The following TMEM132B variants were observed in gnomAD, a reference collection of about 807,000 sequenced individuals.
TMEM132B encodes transmembrane protein 132B.
In TMEM132B, 18 loss-of-function variants were observed where a neutral mutation model predicts 90.8. That is an observed-to-expected ratio of 0.20 (90% CI 0.14 to 0.29). The LOEUF (loss-of-function observed/expected upper bound fraction) is 0.29, where lower values mean the gene tolerates loss of function less well. Among genes scored for constraint, TMEM132B ranks in the 10% least tolerant of loss-of-function variants. TMEM132B has a pLI of 1.00. For missense variants in TMEM132B, 1,096 were observed against 1,326.8 expected (o/e 0.83, Z 2.70); for synonymous variants, 504 against 523.3 (o/e 0.96, Z 0.50).
In TMEM132B at chr12:125,256,369, G is replaced by A. The variant is rs372539850; in HGVS notation, c.67+69503G>A. On this transcript the variant is annotated intron_variant, in intron 1 of 8. Transcript: ENST00000682704. ...TCATGGAGGGGTGGTCAGGGGAGCCGGTAAACTTGCTTTCAGGTCTGTTGG... is the reference window on the plus strand; with the variant it reads ...TCATGGAGGGGTGGTCAGGGGAGCCAGTAAACTTGCTTTCAGGTCTGTTGG... Among the ~76,000 whole-genome samples, 91 of 152,330 alleles carry A rather than the reference G, an allele frequency of 6.0e-4. 1 individual carries two copies. The South Asian group carries it at 0.017, about 28-fold the overall frequency.
chr12:125,353,832 A>G (rs781646355), intron 2 of TMEM132B, among the ~76,000 whole-genome samples: 4 of 152,250 alleles, frequency 2.6e-5, no homozygotes, highest in Non-Finnish European at 4.4e-5. Flanking sequence ...AGACTAGAAG[A>G]GGACTCAACA....
intron 1 of TMEM132B, among the ~76,000 whole-genome samples, chr12:125,325,860 CTT>C (rs1593085320): frequency 6.6e-6 from 1 of 152,226 alleles, no homozygotes; most frequent in African/African-American, 2.4e-5. Context: ...TGGATTCTCT[CTT>C]GTGTCTCATG....
At chr12:125,391,648 G>C (rs763566516) in intron 2 of TMEM132B, among the ~76,000 whole-genome samples, 1 of 152,050 alleles carries the variant, frequency 6.6e-6, no homozygotes, top group Admixed American at 6.5e-5. Flanking sequence ...TTCTGCTTGC[G>C]TTCTGCTCCC....
chr12:125,515,110 G>A (rs987191676), intron 3 of TMEM132B, among the ~76,000 whole-genome samples: 1 of 152,108 alleles, frequency 6.6e-6, no homozygotes, highest in Non-Finnish European at 1.5e-5. Context: ...ACTCCATGGC[G>A]GATTCCTCCT....
chr12:125,455,873 C>T (rs1250184771), intron 3 of TMEM132B, among the ~76,000 whole-genome samples: 1 of 152,146 alleles, frequency 6.6e-6, no homozygotes, highest in African/African-American at 2.4e-5. Context: ...CAGATCTCTA[C>T]CTCAGGGTGA....
Position 125,349,461 on chromosome 12 carries a change from G to A in TMEM132B, c.77G>A (p.Ser26Asn), listed in dbSNP as rs748615023. The change falls in exon 2 of 9, where the codon AGT (serine) becomes AAT (asparagine). Residue 26 changes from serine (S) to asparagine (N), a missense_variant. Ser to Asn is a conservative substitution (Grantham distance 46, BLOSUM62 1). Transcript: ENST00000682704. The surrounding 1 kb of genome is among the most constrained non-coding windows in gnomAD (Gnocchi z 4.1). ...LTALQCPVTE[S>N]RGIVDSLQKF... ...TTCCTTTCTTGTGCAGTGACAGAGAGTCGAGGGATTGTGGATAGCCTGCAG... is the reference window on the plus strand; with the variant it reads ...TTCCTTTCTTGTGCAGTGACAGAGAATCGAGGGATTGTGGATAGCCTGCAG... The A allele has an allele frequency of 1.9e-6, 3 of 1,609,136 alleles. No individual in the cohort carries two copies. The Admixed American group carries it at 5.0e-5, about 27-fold the overall frequency.
At chr12:125,542,844 A>G (rs868367655) in intron 4 of TMEM132B, among the ~76,000 whole-genome samples, 16 of 152,238 alleles carry the variant, frequency 1.1e-4, no homozygotes, top group African/African-American at 3.6e-4. Context: ...TCTTTTGAGT[A>G]TATTGGAGAG....
At chr12:125,204,020 C>A (rs992447971) in intron 1 of TMEM132B, among the ~76,000 whole-genome samples, 1 of 152,234 alleles carries the variant, frequency 6.6e-6, no homozygotes, top group African/African-American at 2.4e-5. Flanking sequence ...CTACCTAGGG[C>A]TGAGATGGAG....
chr12:125,632,678 G>GT (rs199888506), intron 5 of TMEM132B, among the ~76,000 whole-genome samples: 11 of 151,348 alleles, frequency 7.3e-5, no homozygotes, highest in Admixed American at 1.3e-4. Context: ...TAGTGTCAAA[G>GT]TTTTTTTTTC....
At chr12:125,244,434 C>T (rs2136096183) in intron 1 of TMEM132B, among the ~76,000 whole-genome samples, 1 of 152,314 alleles carries the variant, frequency 6.6e-6, no homozygotes, top group East Asian at 1.9e-4. Flanking sequence ...CCTCAGGGAG[C>T]TGCTTCTGCC....
At chr12:125,539,813 C>T (rs1246014293) in intron 4 of TMEM132B, among the ~76,000 whole-genome samples, 1 of 152,124 alleles carries the variant, frequency 6.6e-6, no homozygotes, top group Non-Finnish European at 1.5e-5. Context: ...CTTTTGATTT[C>T]ATAGATTTTG....
rs1879979558 is a variant in TMEM132B, at chr12:125,415,359, C to T, written c.960-172C>T. On this transcript the variant is annotated intron_variant, in intron 2 of 8. Coordinates refer to ENST00000682704, the MANE Select transcript of TMEM132B (RefSeq NM_001366854.1). This position sits in a 1 kb window ranked among gnomAD's most constrained non-coding sequence, Gnocchi z 5.3. ...AGGCACTTGTAAAAATTACAAGACACTTAGTTTTTAAAGGAAAGCCACTTG... is the reference window on the plus strand; with the variant it reads ...AGGCACTTGTAAAAATTACAAGACATTTAGTTTTTAAAGGAAAGCCACTTG... 6.6e-6 allele frequency among the ~76,000 whole-genome samples: 1 copy of T among 152,176 alleles called. No individual in the cohort carries two copies. The highest frequency in any genetic ancestry group is 2.4e-5 in the African/African-American group (1 of 41,438).
At chr12:125,345,485 T>C (rs917387463) in intron 1 of TMEM132B, among the ~76,000 whole-genome samples, 3 of 152,172 alleles carry the variant, frequency 2.0e-5, no homozygotes, top group African/African-American at 7.2e-5. Context: ...CTCACTCAGT[T>C]TGGGTCACAG....
chr12:125,242,524 C>T (rs1282599697), intron 1 of TMEM132B, among the ~76,000 whole-genome samples: 2 of 152,196 alleles, frequency 1.3e-5, no homozygotes, highest in Non-Finnish European at 2.9e-5. Flanking sequence ...TAGTTGGAAC[C>T]ACTCCAGAAC....
rs149003076 is a variant in TMEM132B at position 125,295,500 on chromosome 12, C to CTGTGTGTGTGTGTGTG, written c.68-53951_68-53936dup. ...GCCGGCTGTCTCTCCTCCATGAAAC[C>CTGTGTGTGTGTGTGTG]TGTGTGTGTGTGTGTGAGAGAGAGA... On this transcript the variant is annotated intron_variant, in intron 1 of 8. Transcript: ENST00000682704. Among the ~76,000 whole-genome samples, 95 of 143,512 alleles carry CTGTGTGTGTGTGTGTG rather than the reference C, an allele frequency of 6.6e-4. 1 individual carries two copies. In the South Asian group the frequency reaches 7.8e-3, roughly 12 times the overall value. 94.1% of individuals were successfully genotyped at this position (143,512 alleles called of 152,430 possible). A position where few individuals can be genotyped will look rare whatever the true frequency, so the allele number is the denominator to read the frequency against.
rs752596381 is a variant in TMEM132B, at chr12:125,343,365, G to T, written c.68-6087G>T. On this transcript the variant is annotated intron_variant, in intron 1 of 8. Transcript: ENST00000682704. Reference sequence around the variant, plus strand: ...CAGGCTGGTAACAGGTACCTGGGATGGGAGATACAGTCACCTGTGACCATG... The same window carrying T: ...CAGGCTGGTAACAGGTACCTGGGATTGGAGATACAGTCACCTGTGACCATG... Among the ~76,000 whole-genome samples, 46 of 152,276 alleles carry T rather than the reference G, an allele frequency of 3.0e-4. No individual in the cohort carries two copies. The Middle Eastern group carries it at 0.017, about 56-fold the overall frequency.
intron 1 of TMEM132B, among the ~76,000 whole-genome samples, chr12:125,283,983 C>T (rs1481864783): frequency 6.6e-6 from 1 of 152,234 alleles, no homozygotes; most frequent in Admixed American, 6.5e-5. Flanking sequence ...GGTACTTGAA[C>T]TTCCATCCTT....
intron 1 of TMEM132B, among the ~76,000 whole-genome samples, chr12:125,322,626 C>G (rs528196111): frequency 6.6e-6 from 1 of 152,270 alleles, no homozygotes; most frequent in Admixed American, 6.5e-5. Context: ...ACTCATCAAA[C>G]CATACACTTT....
At chr12:125,320,641 G>GCC (rs201569055) in intron 1 of TMEM132B, among the ~76,000 whole-genome samples, 1 of 149,426 alleles carries the variant, frequency 6.7e-6, no homozygotes, top group African/African-American at 2.5e-5. Context: ...GGCTCCACAA[G>GCC]GGGGAAGCTG....
Sources: gnomAD v4.1 joint callset for allele counts (sites outside exome capture counted in the v4.1 genomes callset) on GRCh38, gnomAD v4.1.1 for gene constraint, Gnocchi (gnomAD v3.1) non-coding constraint, MANE v1.5 for transcripts, NCBI Gene and HGNC (gene_info 2026-07-23, HGNC 2026-07-21) for gene names.